The following SGCZ variants were observed in gnomAD, a reference collection of about 807,000 sequenced individuals.
SGCZ encodes the protein zeta-sarcoglycan.
SGCZ carries 40 observed loss-of-function variants against 41.3 expected under a neutral mutation model. The observed-to-expected ratio is 0.97, with a 90% confidence interval of 0.75 to 1.26. The LOEUF (loss-of-function observed/expected upper bound fraction) is 1.26. Ranked by LOEUF, SGCZ falls within the 50% of genes most tolerant of loss-of-function variation. The probability of loss-of-function intolerance (pLI) is 0.00; values close to 1 mark genes in which losing one functional copy is unlikely to be tolerated. For synonymous variants in SGCZ, 206 were observed against 137.5 expected, an observed-to-expected ratio of 1.50 and a Z score of -3.49; for missense variants, 552 against 369.8, an observed-to-expected ratio of 1.49 and a Z score of -4.04.
chr8:14,510,033 G>C (rs1369444908), intron 2 of SGCZ, among the ~76,000 whole-genome samples: 1 of 152,066 alleles, frequency 6.6e-6, no homozygotes, highest in Non-Finnish European at 1.5e-5. Flanking sequence ...TGGGAACACA[G>C]TGCCAAACCA....
chr8:14,737,029 A>C (rs1216032321), intron 1 of SGCZ, among the ~76,000 whole-genome samples: 1 of 150,676 alleles, frequency 6.6e-6, no homozygotes, highest in African/African-American at 2.4e-5. Flanking sequence ...AGATATATAT[A>C]TTATATACCA....
intron 2 of SGCZ, among the ~76,000 whole-genome samples, chr8:14,551,533 A>T (rs373528698): frequency 0.37 from 4,175 of 11,256 alleles, 782 homozygotes; most frequent in Non-Finnish European, 0.46. Context: ...TAATATATAT[A>T]ATATATATAA....
intron 1 of SGCZ, among the ~76,000 whole-genome samples, chr8:14,945,483 T>C (rs1251689182): frequency 6.6e-6 from 1 of 152,112 alleles, no homozygotes; most frequent in Non-Finnish European, 1.5e-5. Flanking sequence ...ATTTTAATGA[T>C]TGGCAAGAAA....
chr8:14,957,644 T>A (rs9643993), intron 1 of SGCZ, among the ~76,000 whole-genome samples: 54,836 of 151,766 alleles, frequency 0.36, 10,487 homozygotes, highest in Non-Finnish European at 0.43. Flanking sequence ...TATATTGTTT[T>A]AAAGCTACTT....
At chr8:14,791,371 G>C (rs2130469564) in intron 1 of SGCZ, among the ~76,000 whole-genome samples, 1 of 152,074 alleles carries the variant, frequency 6.6e-6, no homozygotes, top group Non-Finnish European at 1.5e-5. Flanking sequence ...ACCATTGTGG[G>C]AGTGCGCCTC....
intron 1 of SGCZ, among the ~76,000 whole-genome samples, chr8:15,081,089 C>T (rs147328581): frequency 1.3e-5 from 2 of 152,218 alleles, no homozygotes; most frequent in African/African-American, 2.4e-5. Flanking sequence ...TGTTATTGAA[C>T]GCAGCCAGCG....
In SGCZ at chr8:14,117,408, CTGTGTGTGTGTGTG is replaced by C. The variant is rs57595662; in HGVS notation, c.548-9187_548-9174del. Reference sequence around the variant, plus strand: ...AATTGTGACACTGAGATGCACACATCTGTGTGTGTGTGTGTGTGTGTGTGTGTGTGTGTGAATGC... The same window carrying C: ...AATTGTGACACTGAGATGCACACATCTGTGTGTGTGTGTGTGTGTGAATGC... On this transcript the variant is annotated intron_variant, in intron 5 of 7. Transcript: ENST00000382080. Among the ~76,000 whole-genome samples the C allele has an allele frequency of 6.2e-3, 817 of 131,564 alleles. 5 individuals carry two copies. Among genetic ancestry groups the C allele is most frequent in the Non-Finnish European group, 0.011 (674 of 62,712 alleles). 86.3% of individuals were successfully genotyped at this position (131,564 alleles called of 152,430 possible).
intron 1 of SGCZ, among the ~76,000 whole-genome samples, chr8:15,024,915 G>C (rs1366611584): frequency 1.3e-5 from 2 of 149,544 alleles, no homozygotes; most frequent in African/African-American, 4.9e-5. Context: ...CAGCCTGGGC[G>C]ACAGAGTGAG....
At chr8:15,230,009 T>C (rs1365421285) in intron 1 of SGCZ, among the ~76,000 whole-genome samples, 1 of 152,178 alleles carries the variant, frequency 6.6e-6, no homozygotes, top group Non-Finnish European at 1.5e-5. Flanking sequence ...GGCTCTTAGC[T>C]CTTATAGATT....
intron 5 of SGCZ, among the ~76,000 whole-genome samples, chr8:14,133,000 G>A (rs1803088282): frequency 2.6e-5 from 4 of 152,150 alleles, no homozygotes; most frequent in South Asian, 4.1e-4. Flanking sequence ...GCTAGGAGCT[G>A]TAACAATAAA....
At chr8:14,455,452 G>A (rs1800712996) in intron 2 of SGCZ, among the ~76,000 whole-genome samples, 2 of 102,300 alleles carry the variant, frequency 2.0e-5, no homozygotes, top group South Asian at 3.4e-4. Flanking sequence ...ACATTTGCAT[G>A]CATACACACA....
chr8:14,872,591 T>C (rs1435028687), intron 1 of SGCZ, among the ~76,000 whole-genome samples: 1 of 152,058 alleles, frequency 6.6e-6, no homozygotes, highest in Non-Finnish European at 1.5e-5. Context: ...AATTTAAAAA[T>C]TGATAGGAAG....
At chr8:15,230,037 A>C (rs1295496144) in intron 1 of SGCZ, among the ~76,000 whole-genome samples, 2 of 152,214 alleles carry the variant, frequency 1.3e-5, no homozygotes, top group Non-Finnish European at 2.9e-5. Context: ...TGCATTTTTA[A>C]CTATTTTGAA....
intron 2 of SGCZ, among the ~76,000 whole-genome samples, chr8:14,391,110 A>G (rs1443994110): frequency 2.6e-5 from 4 of 152,122 alleles, no homozygotes; most frequent in Non-Finnish European, 1.5e-5. Context: ...CAACCAACCC[A>G]ATTACATATG....
At chr8:14,960,367 T>TA (rs1800925540) in intron 1 of SGCZ, among the ~76,000 whole-genome samples, 1 of 152,016 alleles carries the variant, frequency 6.6e-6, no homozygotes, top group African/African-American at 2.4e-5. Context: ...ATTTTTTTTT[T>TA]ATGGGTTTGG....
At chr8:14,543,913 A>G (rs1362455501) in intron 2 of SGCZ, among the ~76,000 whole-genome samples, 1 of 152,108 alleles carries the variant, frequency 6.6e-6, no homozygotes. Flanking sequence ...AAGATGAATT[A>G]CTGTTAAATA....
chr8:14,324,363 T>C (rs1031597642), intron 2 of SGCZ, among the ~76,000 whole-genome samples, 159 bp from the exon 3 acceptor site: 1 of 152,088 alleles, frequency 6.6e-6, no homozygotes, highest in African/African-American at 2.4e-5. Context: ...TTGCAGCCCT[T>C]TGCATGCATA....
intron 1 of SGCZ, among the ~76,000 whole-genome samples, chr8:15,053,372 G>C (rs1804588111): frequency 6.6e-6 from 1 of 151,830 alleles, no homozygotes; most frequent in Non-Finnish European, 1.5e-5. Flanking sequence ...CTTTCTGCCT[G>C]ACTTAGTTTC....
chr8:14,896,888 C>A (rs148115726), intron 1 of SGCZ, among the ~76,000 whole-genome samples: 3 of 152,012 alleles, frequency 2.0e-5, no homozygotes, highest in Admixed American at 1.3e-4. Context: ...TGAAGCGATT[C>A]TCCCGCCTCA....
Sources: gnomAD v4.1 joint callset for allele counts (sites outside exome capture counted in the v4.1 genomes callset) on GRCh38, gnomAD v4.1.1 for gene constraint, MANE v1.5 for transcripts, NCBI Gene and HGNC (gene_info 2026-07-23, HGNC 2026-07-21) for gene names.